The following RPS6KC1 variants were observed in gnomAD, a reference collection of about 807,000 sequenced individuals.
The protein encoded by RPS6KC1 is inactive ribosomal protein S6 kinase delta-1.
A neutral mutation model predicts 103.8 loss-of-function variants in RPS6KC1; 54 were observed. The observed-to-expected ratio is 0.52, with a 90% confidence interval of 0.42 to 0.65. RPS6KC1 has a LOEUF of 0.65. RPS6KC1 is among the 30% of genes least tolerant of loss of function. RPS6KC1 has a pLI of 0.00. For synonymous variants in RPS6KC1, 439 were observed against 438.7 expected, an observed-to-expected ratio of 1.00 and a Z score of -0.01; for missense variants, 1,151 against 1,253.8, an observed-to-expected ratio of 0.92 and a Z score of 1.24.
the RPS6KC1 span, among the ~76,000 whole-genome samples, chr1:213,837,522 A>G: frequency 6.6e-6 from 1 of 152,206 alleles, no homozygotes; most frequent in African/African-American, 2.4e-5. Context: ...ATGTTTCATA[A>G]CTGTACCCAA....
intron 12 of RPS6KC1, among the ~76,000 whole-genome samples, chr1:213,255,913 A>T (rs1490090807): frequency 1.3e-5 from 2 of 152,236 alleles, no homozygotes; most frequent in Non-Finnish European, 2.9e-5. Context: ...AATCAAGGAC[A>T]GTTGGTCATG....
At position 213,117,336 on chromosome 1, in the gene RPS6KC1, G is replaced by A. The variant is rs781366466; in HGVS notation, c.398G>A (p.Ser133Asn). 1.9e-6 allele frequency: 3 copies of A among 1,603,264 alleles called. No individual in the cohort carries two copies. Among genetic ancestry groups the A allele is most frequent in the South Asian group, 1.1e-5 (1 of 90,718 alleles). Residue 133 changes from serine to asparagine, a missense_variant, in exon 5 of 15, where the codon AGT becomes AAT. Ser to Asn is a conservative substitution (Grantham distance 46). This residue lies in a region of RPS6KC1 where 959 missense variants were observed against 1,006.3 expected (regional missense o/e 0.95). Transcript: ENST00000366960. ...CTTTAGGGTGGAATAATTAATGATA[G>A]TTCTGAATTAATTGGTCCTGCTGAA... is the stretch of plus-strand genomic sequence containing the variant. ...DFFKGGIIND[S>N]SELIGPAEAH... is the part of the protein sequence containing the mutation.
the RPS6KC1 span, among the ~76,000 whole-genome samples, chr1:213,430,966 C>T: frequency 4.6e-5 from 7 of 151,666 alleles, no homozygotes; most frequent in East Asian, 5.8e-4. Context: ...CCTGAATTCG[C>T]GCTTGCCGTT....
chr1:213,640,443 T>G, the RPS6KC1 span, among the ~76,000 whole-genome samples: 259 of 151,670 alleles, frequency 1.7e-3, no homozygotes, highest in Middle Eastern at 6.8e-3. Context: ...TTCTTCTGCT[T>G]GATTTGTGTT....
At chr1:213,729,341 T>C in the RPS6KC1 span, among the ~76,000 whole-genome samples, 70 of 152,256 alleles carry the variant, frequency 4.6e-4, no homozygotes, top group African/African-American at 1.6e-3. Context: ...TTAGATCGAC[T>C]CCTTTGGTGT....
chr1:213,306,424 G>A, the RPS6KC1 span, among the ~76,000 whole-genome samples: 1 of 152,170 alleles, frequency 6.6e-6, no homozygotes, highest in Non-Finnish European at 1.5e-5. Flanking sequence ...TTGATAAATA[G>A]GGAATGATGA....
the RPS6KC1 span, among the ~76,000 whole-genome samples, chr1:213,432,900 GTGT>G: frequency 1.3e-5 from 2 of 152,158 alleles, no homozygotes; most frequent in Admixed American, 6.5e-5. Context: ...ATGAACATCT[GTGT>G]TGTTTTCAGT....
chr1:213,282,042 A>G, the RPS6KC1 span, among the ~76,000 whole-genome samples: 1 of 152,154 alleles, frequency 6.6e-6, no homozygotes. Flanking sequence ...GACTGAGAAC[A>G]TGGTTGCTAT....
chr1:213,051,802 T>A (rs2076973429), intron 1 of RPS6KC1, among the ~76,000 whole-genome samples: 1 of 152,214 alleles, frequency 6.6e-6, no homozygotes, highest in Non-Finnish European at 1.5e-5. Flanking sequence ...GTTTGGACTT[T>A]CTCTTCTGAG....
At chr1:213,303,060 A>G in the RPS6KC1 span, among the ~76,000 whole-genome samples, 2 of 152,180 alleles carry the variant, frequency 1.3e-5, no homozygotes, top group East Asian at 3.9e-4. Context: ...ACTCGACTGT[A>G]TGTATGCCTT....
chr1:213,383,135 C>T, the RPS6KC1 span, among the ~76,000 whole-genome samples: 3 of 152,174 alleles, frequency 2.0e-5, no homozygotes, highest in South Asian at 2.1e-4. Flanking sequence ...CCCGGCCGTC[C>T]GCTCTGTACT....
the RPS6KC1 span, among the ~76,000 whole-genome samples, chr1:213,474,231 G>T: frequency 2.0e-5 from 3 of 152,148 alleles, no homozygotes; most frequent in Non-Finnish European, 1.5e-5. Context: ...GTGGATGTCA[G>T]CCATGAGCTG....
At chr1:213,464,688 T>C in the RPS6KC1 span, among the ~76,000 whole-genome samples, 3 of 152,208 alleles carry the variant, frequency 2.0e-5, no homozygotes, top group Non-Finnish European at 4.4e-5. Context: ...AGGCCATAAA[T>C]GTTCTTAGGA....
chr1:213,277,129 A>T (rs2095113999), downstream of RPS6KC1, among the ~76,000 whole-genome samples: 1 of 152,222 alleles, frequency 6.6e-6, no homozygotes, highest in African/African-American at 2.4e-5. Context: ...AGGGTTACTG[A>T]ATGGCAAAAG....
chr1:213,801,363 T>A, the RPS6KC1 span, among the ~76,000 whole-genome samples: 1 of 152,240 alleles, frequency 6.6e-6, no homozygotes, highest in African/African-American at 2.4e-5. Context: ...ACTGTAATTC[T>A]GTTTCCTTTT....
chr1:213,144,707 T>G (rs1017398178), intron 6 of RPS6KC1, among the ~76,000 whole-genome samples: 2 of 151,994 alleles, frequency 1.3e-5, no homozygotes, highest in African/African-American at 4.8e-5. Flanking sequence ...TTAATAACTG[T>G]CTACAACAGC....
intron 1 of RPS6KC1, among the ~76,000 whole-genome samples, chr1:213,069,164 G>GC (rs1220267020): frequency 1.3e-5 from 2 of 148,292 alleles, no homozygotes; most frequent in African/African-American, 2.4e-5. Flanking sequence ...TGTGGCTAGT[G>GC]GTGGCTGTGT....
the RPS6KC1 span, among the ~76,000 whole-genome samples, chr1:213,376,465 C>T: frequency 6.6e-6 from 1 of 151,088 alleles, no homozygotes; most frequent in African/African-American, 2.4e-5. Context: ...ATGAGTAATG[C>T]GATGGTAGAA....
chr1:213,450,846 G>A, the RPS6KC1 span, among the ~76,000 whole-genome samples: 543 of 152,220 alleles, frequency 3.6e-3, 2 homozygotes, highest in African/African-American at 0.013. Flanking sequence ...ATGCTGGTGC[G>A]TGCCTGTAAT....
Sources: gnomAD v4.1 joint callset for allele counts (sites outside exome capture counted in the v4.1 genomes callset) on GRCh38, gnomAD v4.1.1 for gene constraint, gnomAD v4.1.1 regional missense constraint, MANE v1.5 for transcripts, NCBI Gene and HGNC (gene_info 2026-07-23, HGNC 2026-07-21) for gene names.